Variants in SETD7 observed in about 807,000 individuals in gnomAD.
The protein encoded by SETD7 is histone-lysine N-methyltransferase SETD7.
A neutral mutation model predicts 41.8 loss-of-function variants in SETD7; 16 were observed. The ratio of observed to expected loss-of-function variants is 0.38; its 90% confidence interval spans 0.26 to 0.58. SETD7 has a LOEUF of 0.58. SETD7 is among the 20% of genes least tolerant of loss of function. The pLI is 0.64. For missense variants in SETD7, 346 were observed against 459.7 expected (o/e 0.75, Z 2.26); for synonymous variants, 163 against 169.7 (o/e 0.96, Z 0.31).
intron 2 of SETD7, chr4:139,546,306 T>C (rs1293821051): frequency 5.3e-6 from 1 of 187,664 alleles, no homozygotes; most frequent in African/African-American, 2.4e-5. Context: ...TTATGTCTTA[T>C]TACTGGGACT....
intron 6 of SETD7, among the ~76,000 whole-genome samples, chr4:139,518,941 A>G (rs965358738): frequency 7.9e-5 from 12 of 152,218 alleles, no homozygotes; most frequent in African/African-American, 2.9e-4. Flanking sequence ...ATTTTCATAC[A>G]AAACTGTTGA....
chr4:139,546,720 A>C, intron 2 of SETD7, 200 bp downstream of exon 2: 11 of 669,850 alleles, frequency 1.6e-5, no homozygotes, highest in Admixed American at 3.0e-5. Flanking sequence ...AGTGATGACA[A>C]GAGCTAAGCC....
At chr4:139,500,432 C>T (rs750157298) in intron 7 of SETD7, among the ~76,000 whole-genome samples, 7 of 152,208 alleles carry the variant, frequency 4.6e-5, no homozygotes, top group Non-Finnish European at 7.3e-5. Flanking sequence ...AATGAAAGGG[C>T]TAACAGCAAT....
intron 7 of SETD7, among the ~76,000 whole-genome samples, chr4:139,517,619 A>G (rs1052492869): frequency 1.6e-4 from 24 of 152,228 alleles, no homozygotes; most frequent in Non-Finnish European, 2.9e-5. Flanking sequence ...AGCGGCTATA[A>G]AACAGCAACC....
At chr4:139,513,285 T>TGGC (rs1726930344) in intron 7 of SETD7, among the ~76,000 whole-genome samples, 1 of 151,788 alleles carries the variant, frequency 6.6e-6, no homozygotes, top group Non-Finnish European at 1.5e-5. Context: ...CTGGGTGTGG[T>TGGC]GGCGCACACC....
rs1327412112 is a variant in SETD7, at chr4:139,546,984, A to T, written c.106T>A (p.Phe36Ile). The T allele has an allele frequency of 2.5e-6, 4 of 1,614,044 alleles. No individual in the cohort carries two copies. The highest frequency in any genetic ancestry group is 3.4e-6 in the Non-Finnish European group (4 of 1,179,970). Reference sequence around the variant, plus strand: ...TCTCCGTGAACAAAGTTCCCCTCAAATCTGTCTGTGGAGGAGTAGGTGACT... The same window carrying T: ...TCTCCGTGAACAAAGTTCCCCTCAATTCTGTCTGTGGAGGAGTAGGTGACT... ...CTVTYSSTDR[F>I]EGNFVHGEKN... The change falls in exon 2 of 8, where the codon TTT becomes ATT. Residue 36 changes from phenylalanine to isoleucine, a missense_variant. Physicochemically the swap from Phe to Ile is conservative, Grantham distance 21. Around this residue, in one of 3 missense-constraint regions of SETD7, gnomAD observed 266 missense variants for 377.0 expected, o/e 0.71. Transcript: ENST00000274031.
Position 139,511,754 on chromosome 4 carries a change from T to A in SETD7, c.1010A>T (p.Tyr337Phe). Reference protein sequence around the residue: ...ADEELTVAYGYDHSPPGKSGP... With the variant: ...ADEELTVAYGFDHSPPGKSGP... ...ACTCTTCCCGGGGGGGCTGTGGTCA[T>A]AGCCATAGGCAACGGTGAGCTCTTC... is the stretch of plus-strand genomic sequence containing the variant. Residue 337 changes from tyrosine to phenylalanine, a missense_variant, in exon 8 of 8, where the codon TAT (tyrosine) becomes TTT (phenylalanine). By Grantham distance (22) the Tyr-to-Phe change is conservative. Transcript: ENST00000274031. 6.2e-7 allele frequency: 1 copy of A among 1,614,168 alleles called. No individual in the cohort carries two copies. Among genetic ancestry groups the A allele is most frequent in the Non-Finnish European group, 8.5e-7 (1 of 1,180,014 alleles).
At chr4:139,495,368 G>C (rs118184335), downstream of SETD7, among the ~76,000 whole-genome samples, 1 of 152,182 alleles carries the variant, frequency 6.6e-6, no homozygotes, top group Non-Finnish European at 1.5e-5. Context: ...ATTGCTTAGT[G>C]AGTAGGAAAT....
chr4:139,546,825 A>G (rs1727961309), intron 2 of SETD7, 95 bp downstream of exon 2: 1 of 1,542,184 alleles, frequency 6.5e-7, no homozygotes, highest in Admixed American at 1.7e-5. Flanking sequence ...AATAAATTGT[A>G]GAAAAACTTC....
At chr4:139,545,698 C>T (rs918332078) in intron 2 of SETD7, among the ~76,000 whole-genome samples, 4 of 152,176 alleles carry the variant, frequency 2.6e-5, no homozygotes, top group Admixed American at 6.5e-5. Flanking sequence ...TTTAAAACAA[C>T]GCACTTTGCC....
At chr4:139,518,580 A>G (rs1337870296) in intron 6 of SETD7, among the ~76,000 whole-genome samples, 1 of 152,240 alleles carries the variant, frequency 6.6e-6, no homozygotes, top group Non-Finnish European at 1.5e-5. Flanking sequence ...ATATGAAAAA[A>G]AAGGATTTAA....
At chr4:139,546,162 G>GT (rs1189100561) in intron 2 of SETD7, 7 of 152,676 alleles carry the variant, frequency 4.6e-5, no homozygotes, top group Non-Finnish European at 2.9e-5. Flanking sequence ...GAAAAATACT[G>GT]TAACTAGAGG....
chr4:139,495,147 G>A (rs555283481), downstream of SETD7, among the ~76,000 whole-genome samples: 1 of 152,238 alleles, frequency 6.6e-6, no homozygotes, highest in Admixed American at 6.5e-5. Flanking sequence ...CATTTCTACT[G>A]TGAAAATTAA....
At chr4:139,522,174 C>T (rs1473488616) in intron 5 of SETD7, among the ~76,000 whole-genome samples, 1 of 152,180 alleles carries the variant, frequency 6.6e-6, no homozygotes, top group African/African-American at 2.4e-5. Context: ...GTCCATTCAT[C>T]ATTGTGACAT....
rs865833038 is a variant in SETD7 at position 139,507,823 on chromosome 4, A to G, written c.*3840T>C. On this transcript the variant is annotated 3_prime_UTR_variant, in exon 8 of 8. Coordinates refer to ENST00000274031, the MANE Select transcript of SETD7 (RefSeq NM_030648.4). ...TACCCCAAGTAGATGTAAATTTGAT[A>G]TACTTTGTGAACCTTTGATCTGTGG... 2 of 152,520 alleles carry G rather than the reference A, an allele frequency of 1.3e-5. No individual in the cohort carries two copies. Among genetic ancestry groups the G allele is most frequent in the Middle Eastern group, 3.4e-3 (1 of 294 alleles). 9.4% of individuals were successfully genotyped at this position (152,520 alleles called of 1,614,324 possible).
intron 5 of SETD7, among the ~76,000 whole-genome samples, chr4:139,522,759 T>C (rs1028919421): frequency 1.4e-5 from 2 of 144,742 alleles, no homozygotes; most frequent in African/African-American, 5.2e-5. Flanking sequence ...TTTTTTTTTT[T>C]TTTTTTTCTT....
chr4:139,534,046 GACTGAATGCTCC>G (rs1727568458), intron 2 of SETD7, among the ~76,000 whole-genome samples: 1 of 152,094 alleles, frequency 6.6e-6, no homozygotes, highest in African/African-American at 2.4e-5. Flanking sequence ...AAGTAAGGAA[GACTGAATGCTCC>G]ACCCTGCTGA....
chr4:139,506,068 G>C lies in SETD7; in HGVS notation c.*5595C>G, dbSNP rs1388750052. The C allele has an allele frequency of 2.6e-5, 4 of 152,596 alleles. No individual in the cohort carries two copies. Among genetic ancestry groups the C allele is most frequent in the Non-Finnish European group, 1.5e-5 (1 of 68,034 alleles). 9.5% of individuals were successfully genotyped at this position (152,596 alleles called of 1,614,324 possible). A position where few individuals can be genotyped will look rare whatever the true frequency, so the allele number is the denominator to read the frequency against. ...GTATATTTTGTTTAATACTTGCATT[G>C]TTTCTATAGCGCAATTATAGCAATC... On this transcript the variant is annotated 3_prime_UTR_variant, in exon 8 of 8. Coordinates refer to ENST00000274031, the MANE Select transcript of SETD7 (RefSeq NM_030648.4).
Position 139,533,166 on chromosome 4 carries a change from G to C in SETD7, c.371C>G (p.Pro124Arg), listed in dbSNP as rs1727535230. ...IRHGVCWIYY[P>R]DGGSLVGEVN... ...AGAGTGAACAGTCACACGGCTTACT[G>C]GGTAATATATCCAGCACACTCCATG... The change falls in exon 3 of 8, where the codon CCA (proline) becomes CGA (arginine). Residue 124 changes from proline (P) to arginine (R), a missense_variant and splice_region_variant. By Grantham distance (103) the Pro-to-Arg change is moderately radical. Coordinates refer to ENST00000274031, the MANE Select transcript of SETD7 (RefSeq NM_030648.4). 1 of 1,612,230 alleles carries C rather than the reference G, an allele frequency of 6.2e-7. No individual in the cohort carries two copies. The highest frequency in any genetic ancestry group is 8.5e-7 in the Non-Finnish European group (1 of 1,178,304).
Sources: gnomAD v4.1 joint callset for allele counts (sites outside exome capture counted in the v4.1 genomes callset) on GRCh38, gnomAD v4.1.1 for gene constraint, gnomAD v4.1.1 regional missense constraint, MANE v1.5 for transcripts, NCBI Gene and HGNC (gene_info 2026-07-23, HGNC 2026-07-21) for gene names.